The following THSD7B variants were observed in gnomAD, a reference collection of about 807,000 sequenced individuals.
The protein encoded by THSD7B is thrombospondin type-1 domain-containing protein 7B.
Under a neutral mutation model 213.6 loss-of-function variants are expected in THSD7B, and 138 were observed. That is an observed-to-expected ratio of 0.65 (90% confidence interval 0.56 to 0.74). The LOEUF (loss-of-function observed/expected upper bound fraction) is 0.74, where lower values mean the gene tolerates loss of function less well. Ranked by LOEUF, THSD7B falls within the 30% of genes least tolerant of loss-of-function variation. The pLI, the probability that THSD7B is intolerant of heterozygous loss-of-function variation, is 0.00. For synonymous variants in THSD7B, 742 were observed against 687.0 expected (o/e 1.08, Z -1.25); for missense variants, 1,931 against 1,991.5 (o/e 0.97, Z 0.58).
intron 15 of THSD7B, among the ~76,000 whole-genome samples, chr2:137,550,223 C>G (rs943144156): frequency 4.0e-5 from 6 of 151,526 alleles, no homozygotes; most frequent in African/African-American, 1.5e-4. Flanking sequence ...TCCCTCAGTC[C>G]TGTTAAAAAA....
At chr2:136,954,497 T>C (rs942920847) in intron 2 of THSD7B, among the ~76,000 whole-genome samples, 1 of 151,920 alleles carries the variant, frequency 6.6e-6, no homozygotes, top group Non-Finnish European at 1.5e-5. Flanking sequence ...CGGGCGGATC[T>C]TGAGGTCAGG....
chr2:137,519,375 C>G (rs1361870204), intron 15 of THSD7B, among the ~76,000 whole-genome samples: 2 of 152,204 alleles, frequency 1.3e-5, no homozygotes, highest in Non-Finnish European at 2.9e-5. Flanking sequence ...ATTATTAGAA[C>G]AGTTATTTTC....
chr2:137,457,844 T>C (rs1055374006), intron 15 of THSD7B, among the ~76,000 whole-genome samples: 1 of 152,104 alleles, frequency 6.6e-6, no homozygotes, highest in South Asian at 2.1e-4. Flanking sequence ...AATTAACAGA[T>C]AAAAATGCAA....
intron 6 of THSD7B, among the ~76,000 whole-genome samples, chr2:137,168,229 T>C (rs1275193659): frequency 6.6e-6 from 1 of 152,190 alleles, no homozygotes; most frequent in Non-Finnish European, 1.5e-5. Flanking sequence ...CTTCCCATAG[T>C]ACAGGAAAGT....
intron 2 of THSD7B, among the ~76,000 whole-genome samples, chr2:137,033,725 G>T (rs1403257181): frequency 6.6e-6 from 1 of 152,032 alleles, no homozygotes. Flanking sequence ...CGATTCTCCT[G>T]CCTCAGCCTC....
At chr2:137,392,713 A>G (rs920883772) in intron 12 of THSD7B, among the ~76,000 whole-genome samples, 5 of 151,994 alleles carry the variant, frequency 3.3e-5, no homozygotes, top group African/African-American at 7.2e-5. Flanking sequence ...TTATCTATAT[A>G]TTTTAGGAGG....
chr2:137,166,383 AT>A (rs1416277309), intron 6 of THSD7B, among the ~76,000 whole-genome samples: 2 of 152,162 alleles, frequency 1.3e-5, no homozygotes, highest in Non-Finnish European at 2.9e-5. Context: ...ACATTTTAAA[AT>A]TTTTTCTTGA....
intron 1 of THSD7B, among the ~76,000 whole-genome samples, chr2:136,803,189 T>C (rs1682220565): frequency 6.6e-6 from 1 of 152,016 alleles, no homozygotes; most frequent in African/African-American, 2.4e-5. Flanking sequence ...ATAAGACTGT[T>C]TATTTGTTCT....
intron 1 of THSD7B, among the ~76,000 whole-genome samples, chr2:136,867,055 C>T (rs1353780235): frequency 3.9e-5 from 6 of 152,138 alleles, no homozygotes; most frequent in Admixed American, 3.9e-4. Context: ...CTACTGTCAC[C>T]CAGTGGGTCT....
intron 14 of THSD7B, among the ~76,000 whole-genome samples, chr2:137,441,949 T>C (rs1279119341): frequency 1.3e-5 from 2 of 152,104 alleles, no homozygotes; most frequent in African/African-American, 2.4e-5. Context: ...TAGCTTTTAG[T>C]AGCAGTAAAA....
intron 15 of THSD7B, among the ~76,000 whole-genome samples, chr2:137,513,203 A>T (rs1291806689): frequency 6.6e-6 from 1 of 152,230 alleles, no homozygotes; most frequent in Admixed American, 6.5e-5. Context: ...ATAGTGAACC[A>T]GTGAAGAATA....
intron 1 of THSD7B, among the ~76,000 whole-genome samples, chr2:136,869,460 C>T (rs1181484593): frequency 2.6e-5 from 4 of 152,140 alleles, no homozygotes; most frequent in African/African-American, 9.7e-5. Context: ...ATGCCAAATA[C>T]ACATTTTAAT....
At chr2:137,262,764 T>C (rs1242227003) in intron 10 of THSD7B, among the ~76,000 whole-genome samples, 2 of 152,184 alleles carry the variant, frequency 1.3e-5, no homozygotes, top group African/African-American at 4.8e-5. Flanking sequence ...GCTAAATCGG[T>C]GGTTCTCCTC....
intron 9 of THSD7B, among the ~76,000 whole-genome samples, chr2:137,240,862 T>G (rs1213897003): frequency 6.6e-6 from 1 of 152,212 alleles, no homozygotes; most frequent in African/African-American, 2.4e-5. Flanking sequence ...TTGGTCATTT[T>G]GTATACACTT....
At chr2:137,316,695 T>G (rs895620790) in intron 12 of THSD7B, among the ~76,000 whole-genome samples, 10 of 150,174 alleles carry the variant, frequency 6.7e-5, no homozygotes, top group Non-Finnish European at 1.2e-4. Context: ...GAGGCGGAGC[T>G]TGCAGTGAGC....
intron 12 of THSD7B, among the ~76,000 whole-genome samples, chr2:137,376,836 T>C (rs112931389): frequency 0.036 from 5,509 of 152,282 alleles, 138 homozygotes; most frequent in Middle Eastern, 0.088. Flanking sequence ...GCAGGAGATA[T>C]TTCTGAAGGA....
At chr2:137,536,321 T>C (rs1000249286) in intron 15 of THSD7B, among the ~76,000 whole-genome samples, 8 of 151,306 alleles carry the variant, frequency 5.3e-5, no homozygotes, top group African/African-American at 1.5e-4. Flanking sequence ...CAAAAATTCA[T>C]GGGACTGTGG....
At chr2:137,450,179 G>C (rs746234563) in intron 14 of THSD7B, among the ~76,000 whole-genome samples, 3 of 152,156 alleles carry the variant, frequency 2.0e-5, no homozygotes, top group Non-Finnish European at 4.4e-5. Context: ...AGAGGTGATA[G>C]TTAAAACAGT....
intron 21 of THSD7B, among the ~76,000 whole-genome samples, chr2:137,646,650 T>TTAATAATAATAA (rs147054450): frequency 0.095 from 12,332 of 130,018 alleles, 597 homozygotes; most frequent in South Asian, 0.16. Context: ...ACACTCCATC[T>TTAATAATAATAA]TAATAATAAT....
Sources: allele counts gnomAD v4.1 joint callset (sites outside exome capture counted in the v4.1 genomes callset), GRCh38; gene constraint gnomAD v4.1.1; transcripts MANE v1.5; gene names NCBI Gene and HGNC (gene_info 2026-07-23, HGNC 2026-07-21).